SFSWAP: variants seen among roughly 807,000 people sequenced by gnomAD.
SFSWAP encodes splicing factor, suppressor of white-apricot homolog.
Under a neutral mutation model 100.7 loss-of-function variants are expected in SFSWAP, and 17 were observed. The observed-to-expected ratio is 0.17, with a 90% confidence interval of 0.12 to 0.25. The LOEUF is 0.25. Ranked by LOEUF, SFSWAP falls within the 10% of genes least tolerant of loss-of-function variation. The pLI is 1.00. For missense variants in SFSWAP, 1,005 were observed against 1,262.6 expected, an observed-to-expected ratio of 0.80 and a Z score of 3.09; for synonymous variants, 504 against 510.1, an observed-to-expected ratio of 0.99 and a Z score of 0.16.
chr12:131,722,520 C>T (rs1010323510), intron 4 of SFSWAP, among the ~76,000 whole-genome samples: 13 of 152,106 alleles, frequency 8.5e-5, no homozygotes, highest in Admixed American at 7.9e-4. Flanking sequence ...GGGAAGGATT[C>T]GATAGTTGCT....
At chr12:131,740,519 T>A (rs1880502780) in intron 7 of SFSWAP, among the ~76,000 whole-genome samples, 1 of 152,190 alleles carries the variant, frequency 6.6e-6, no homozygotes, top group Non-Finnish European at 1.5e-5. Flanking sequence ...GAAGTTCTTT[T>A]CTGTTGTGCC....
At position 131,764,505 on chromosome 12, in the gene SFSWAP, G is replaced by C. The variant is rs1201889480; in HGVS notation, c.1770G>C (p.Leu590=). Residue 590 remains leucine, a synonymous_variant, in exon 12 of 18, where the codon CTG becomes CTC. Coordinates refer to ENST00000261674, the MANE Select transcript of SFSWAP (RefSeq NM_004592.4). ...SFAIKAKEND[L]LPLEKNRVKL... ...CAATCAAGGCCAAAGAAAATGATCT[G>C]CTTCCCCTGGAAAAAAATCGTGTTA... 1.2e-6 allele frequency: 2 copies of C among 1,614,162 alleles called. No homozygotes were observed. The highest frequency in any genetic ancestry group is 1.7e-6 in the Non-Finnish European group (2 of 1,180,032).
At position 131,799,246 on chromosome 12, in the gene SFSWAP, G is replaced by A. The variant is rs539902333; in HGVS notation, c.2790+137G>A. The A allele has an allele frequency of 2.9e-4, 291 of 1,004,400 alleles. No homozygotes were observed. In the African/African-American group the frequency reaches 4.5e-3, roughly 15 times the overall value. 62.2% of individuals were successfully genotyped at this position (1,004,400 alleles called of 1,614,324 possible). A position where few individuals can be genotyped will look rare whatever the true frequency, so the allele number is the denominator to read the frequency against. On this transcript the variant is annotated intron_variant, in intron 17 of 17. Transcript: ENST00000261674. Reference sequence around the variant, plus strand: ...TCTCGGGCAAAATACCACAGGCTCTGGGTGAGGCCGAGGGCAAAGCCGTGT... The same window carrying A: ...TCTCGGGCAAAATACCACAGGCTCTAGGTGAGGCCGAGGGCAAAGCCGTGT...
chr12:131,770,274 A>T (rs1883481278), intron 13 of SFSWAP, among the ~76,000 whole-genome samples: 1 of 152,198 alleles, frequency 6.6e-6, no homozygotes, highest in Non-Finnish European at 1.5e-5. Flanking sequence ...AGACAAGACC[A>T]CATTCGGCCA....
intron 7 of SFSWAP, among the ~76,000 whole-genome samples, chr12:131,746,335 C>T (rs1262153473): frequency 6.6e-6 from 1 of 152,104 alleles, no homozygotes; most frequent in South Asian, 2.1e-4. Flanking sequence ...GCAGTGTAGA[C>T]TCATGTAATG....
intron 7 of SFSWAP, among the ~76,000 whole-genome samples, chr12:131,740,966 C>CTTTTTTTTTTTTTTTTTTTTTTTTTTTT (rs60047663): frequency 1.1e-4 from 8 of 70,148 alleles, no homozygotes; most frequent in East Asian, 1.0e-3. Context: ...TCTTTTTTTT[C>CTTTTTTTTTTTTTTTTTTTTTTTTTTTT]TTTTTTTTTT....
intron 12 of SFSWAP, among the ~76,000 whole-genome samples, chr12:131,765,377 G>A (rs1185495934): frequency 1.3e-5 from 2 of 152,154 alleles, no homozygotes; most frequent in Non-Finnish European, 2.9e-5. Flanking sequence ...GGCCAGGCGC[G>A]GTAGCTCATG....
intron 7 of SFSWAP, among the ~76,000 whole-genome samples, chr12:131,737,119 T>A (rs1880106388): frequency 6.6e-6 from 1 of 152,194 alleles, no homozygotes; most frequent in Admixed American, 6.5e-5. Context: ...TCTGGTGTGC[T>A]CTCGCGGTGG....
chr12:131,740,574 G>A (rs1233205677), intron 7 of SFSWAP, among the ~76,000 whole-genome samples: 1 of 152,146 alleles, frequency 6.6e-6, no homozygotes, highest in Non-Finnish European at 1.5e-5. Flanking sequence ...CTGCTTGAAG[G>A]ACACAGTCTC....
At chr12:131,777,963 T>C in intron 13 of SFSWAP, 102 bp from the exon 14 acceptor site, 1 of 1,510,214 alleles carries the variant, frequency 6.6e-7, no homozygotes, top group Non-Finnish European at 8.8e-7. Context: ...AGATGGTTGC[T>C]GTGTTTGTTG....
chr12:131,727,204 G>T, intron 6 of SFSWAP, 152 bp downstream of exon 6: 1 of 626,276 alleles, frequency 1.6e-6, no homozygotes, highest in Non-Finnish European at 2.8e-6. Flanking sequence ...GTTTTTAGCT[G>T]GGTGACAAAG....
chr12:131,733,983 A>AGCAGGTCAGT lies in SFSWAP; in HGVS notation c.1081+5558_1081+5567dup, dbSNP rs1331929828. Among the ~76,000 whole-genome samples the AGCAGGTCAGT allele has an allele frequency of 2.0e-5, 3 of 152,120 alleles. No individual in the cohort carries two copies. Among genetic ancestry groups the AGCAGGTCAGT allele is most frequent in the Non-Finnish European group, 4.4e-5 (3 of 67,990 alleles). ...ACCCTGGGGCAGGGTGACACATGGGAGCAGGTCAGTGCCCTGTGTGTGGCT... is the reference window on the plus strand; with the variant it reads ...ACCCTGGGGCAGGGTGACACATGGGAGCAGGTCAGTGCAGGTCAGTGCCCTGTGTGTGGCT... On this transcript the variant is annotated intron_variant, in intron 7 of 17. Coordinates refer to ENST00000261674, the MANE Select transcript of SFSWAP (RefSeq NM_004592.4). The surrounding 1 kb of genome is among the most constrained non-coding windows in gnomAD (Gnocchi z 5.1).
chr12:131,738,850 A>G (rs1477978739), intron 7 of SFSWAP, among the ~76,000 whole-genome samples: 1 of 97,596 alleles, frequency 1.0e-5, no homozygotes, highest in African/African-American at 3.3e-5. Flanking sequence ...ACTTCCAATT[A>G]TTTCTACTTT....
At chr12:131,799,188 C>T (rs894573476) in intron 17 of SFSWAP, 79 bp downstream of exon 17, 32 of 1,149,160 alleles carry the variant, frequency 2.8e-5, no homozygotes, top group Non-Finnish European at 4.2e-5. Flanking sequence ...ATTTTCATTC[C>T]CTGTCCCTCC....
At chr12:131,771,994 C>T (rs1260957151) in intron 13 of SFSWAP, among the ~76,000 whole-genome samples, 1 of 152,150 alleles carries the variant, frequency 6.6e-6, no homozygotes, top group African/African-American at 2.4e-5. Flanking sequence ...TGTCTGCTGC[C>T]TTTTGAACTG....
At position 131,725,471 on chromosome 12, in the gene SFSWAP, C is replaced by A. The variant is rs761024970; in HGVS notation, c.673C>A (p.Gln225Lys). 1.2e-6 allele frequency: 2 copies of A among 1,614,164 alleles called. No individual in the cohort carries two copies. The highest frequency in any genetic ancestry group is 1.7e-6 in the Non-Finnish European group (2 of 1,180,048). Residue 225 changes from glutamine (Q) to lysine (K), a missense_variant, in exon 5 of 18, where the codon CAG becomes AAG. Around this residue, in one of 7 missense-constraint regions of SFSWAP, gnomAD observed 237 missense variants for 337.0 expected, o/e 0.70. Coordinates refer to ENST00000261674, the MANE Select transcript of SFSWAP (RefSeq NM_004592.4). This position sits in a 1 kb window ranked among gnomAD's most constrained non-coding sequence, Gnocchi z 4.3. ...CAGCTTCGTGTGCAGGCAGGGAGCACAGTTTGAGATCATGCTGAAGGCCAA... is the reference window on the plus strand; with the variant it reads ...CAGCTTCGTGTGCAGGCAGGGAGCAAAGTTTGAGATCATGCTGAAGGCCAA... ...TASFVCRQGA[Q>K]FEIMLKAKQA...
chr12:131,754,408 G>A lies in SFSWAP; in HGVS notation c.1363G>A (p.Asp455Asn), dbSNP rs140505420. ...GGCCGCCATCATCCCCCCGCCCCCC[G>A]ACGTCCAGCCCGTGATTGACAAGCT... The part of the protein sequence containing the change: ...PVAAIIPPPP[D>N]VQPVIDKLAE... The change falls in exon 9 of 18, where the codon GAC becomes AAC. Residue 455 changes from aspartate to asparagine, a missense_variant. By Grantham distance (23) the Asp-to-Asn change is conservative. Coordinates refer to ENST00000261674, the MANE Select transcript of SFSWAP (RefSeq NM_004592.4). The A allele has an allele frequency of 5.5e-4, 855 of 1,560,174 alleles. 3 individuals are homozygous for A. Among genetic ancestry groups the A allele is most frequent in the East Asian group, 1.4e-3 (61 of 42,370 alleles).
At position 131,764,509 on chromosome 12, in the gene SFSWAP, C is replaced by G; in HGVS notation, c.1774C>G (p.Pro592Ala). The G allele has an allele frequency of 1.2e-6, 2 of 1,614,156 alleles. No homozygotes were observed. The highest frequency in any genetic ancestry group is 1.7e-6 in the Non-Finnish European group (2 of 1,180,028). The change falls in exon 12 of 18, where the codon CCC becomes GCC. Residue 592 changes from proline (P) to alanine (A), a missense_variant. Coordinates refer to ENST00000261674, the MANE Select transcript of SFSWAP (RefSeq NM_004592.4). ...AIKAKENDLL[P>A]LEKNRVKLDD... ...CAAGGCCAAAGAAAATGATCTGCTT[C>G]CCCTGGAAAAAAATCGTGTTAAGCT...
intron 12 of SFSWAP, among the ~76,000 whole-genome samples, chr12:131,765,899 G>A (rs1390749923): frequency 6.6e-6 from 1 of 152,104 alleles, no homozygotes. Flanking sequence ...GCTTTCGTTA[G>A]TGTAGAGTCT....
Sources: gnomAD v4.1 joint callset for allele counts (sites outside exome capture counted in the v4.1 genomes callset) on GRCh38, gnomAD v4.1.1 for gene constraint, gnomAD v4.1.1 regional missense constraint, Gnocchi (gnomAD v3.1) non-coding constraint, MANE v1.5 for transcripts, NCBI Gene and HGNC (gene_info 2026-07-23, HGNC 2026-07-21) for gene names.